TOP2B: variants seen among roughly 807,000 people sequenced by gnomAD.
TOP2B encodes DNA topoisomerase 2-beta.
A neutral mutation model predicts 193.5 loss-of-function variants in TOP2B; 51 were observed. The ratio of observed to expected loss-of-function variants is 0.26; its 90% CI spans 0.21 to 0.33. TOP2B has a LOEUF of 0.33. TOP2B is among the 10% of genes least tolerant of loss of function. The probability of loss-of-function intolerance (pLI) is 1.00; values close to 1 mark genes in which losing one functional copy is unlikely to be tolerated. For missense variants in TOP2B, 1,378 were observed against 1,909.3 expected (o/e 0.72, Z 5.19); for synonymous variants, 634 against 635.7 (o/e 1.00, Z 0.04).
At chr3:25,637,087 T>C in intron 6 of TOP2B, 128 bp downstream of exon 6, 1 of 682,238 alleles carries the variant, frequency 1.5e-6, no homozygotes, top group Non-Finnish European at 2.5e-6. Flanking sequence ...TGATTTGACT[T>C]GGATAATGCT....
intron 15 of TOP2B, among the ~76,000 whole-genome samples, 155 bp downstream of exon 15, chr3:25,628,692 C>T (rs1702874317): frequency 6.6e-6 from 1 of 151,832 alleles, no homozygotes; most frequent in Non-Finnish European, 1.5e-5. Flanking sequence ...TTACACTATT[C>T]TACTTGCATA....
chr3:25,645,463 A>G lies in TOP2B; in HGVS notation c.77T>C (p.Phe26Ser). ...TTTTTTTGCAGCATTGTTCTGATCA[A>G]AAAGAGTCTAAAATTAACCAAAAAA... ...GNGALTWVTL[F>S]DQNNAAKKEE... Residue 26 changes from phenylalanine to serine, a missense_variant, in exon 2 of 36, where the codon TTT (phenylalanine) becomes TCT (serine). By Grantham distance (155) the Phe-to-Ser change is radical. This residue lies in a region of TOP2B where 83 missense variants were observed against 59.3 expected (regional missense o/e 1.40). Transcript: ENST00000264331. The G allele has an allele frequency of 2.5e-6, 4 of 1,602,858 alleles. No individual in the cohort carries two copies. Among genetic ancestry groups the G allele is most frequent in the Non-Finnish European group, 3.4e-6 (4 of 1,175,130 alleles).
chr3:25,634,071 T>G (rs1575577466), intron 7 of TOP2B, 57 bp from the exon 8 acceptor site: 1 of 1,309,332 alleles, frequency 7.6e-7, no homozygotes, highest in Non-Finnish European at 1.1e-6. Flanking sequence ...CTCAAATAGG[T>G]GAATCACCTT....
At position 25,626,553 on chromosome 3, in the gene TOP2B, TACTC is replaced by T; in HGVS notation, c.2224+3_2224+6del. ...ATTAAAAAATGAGGTTTTTAAATATTACTCACCATCAACAAGAGATGGTATAGAT... is the reference window on the plus strand; with the variant it reads ...ATTAAAAAATGAGGTTTTTAAATATTACCATCAACAAGAGATGGTATAGAT... On this transcript the variant is annotated splice_donor_5th_base_variant and intron_variant, in intron 18 of 35. Coordinates refer to ENST00000264331, the MANE Select transcript of TOP2B (RefSeq NM_001330700.2). 7.0e-7 allele frequency: 1 copy of T among 1,427,566 alleles called. No homozygotes were observed. Among genetic ancestry groups the T allele is most frequent in the Non-Finnish European group, 9.4e-7 (1 of 1,063,292 alleles). The allele number at this position is 1,427,566 out of a possible 1,614,324, so 88.4% of individuals were successfully genotyped here. A position where few individuals can be genotyped will look rare whatever the true frequency, so the allele number is the denominator to read the frequency against.
chr3:25,598,054 A>AAATC lies in TOP2B; in HGVS notation c.*249_*252dup, dbSNP rs1456974972. Reference sequence around the variant, plus strand: ...CTGTAGTTTGTAACCATGACAATTAAAATCTGTGCTAATGCACGGCAGTCT... The same window carrying AAATC: ...CTGTAGTTTGTAACCATGACAATTAAAATCAATCTGTGCTAATGCACGGCAGTCT... On this transcript the variant is annotated 3_prime_UTR_variant, in exon 36 of 36. Transcript: ENST00000264331. The AAATC allele has an allele frequency of 7.2e-6, 2 of 276,184 alleles. No homozygotes were observed. Among genetic ancestry groups the AAATC allele is most frequent in the African/African-American group, 4.4e-5 (2 of 45,692 alleles). 17.1% of individuals were successfully genotyped at this position (276,184 alleles called of 1,614,324 possible). A position where few individuals can be genotyped will look rare whatever the true frequency, so the allele number is the denominator to read the frequency against.
At chr3:25,651,280 G>A (rs1703580034) in intron 1 of TOP2B, among the ~76,000 whole-genome samples, 1 of 151,942 alleles carries the variant, frequency 6.6e-6, no homozygotes, top group African/African-American at 2.4e-5. Context: ...AAGCAGGGGA[G>A]GGCAGAGGTG....
chr3:25,612,707 T>C lies in TOP2B; in HGVS notation c.3594A>G (p.Lys1198=). 1.9e-6 allele frequency: 3 copies of C among 1,612,780 alleles called. No individual in the cohort carries two copies. Among genetic ancestry groups the C allele is most frequent in the Non-Finnish European group, 2.5e-6 (3 of 1,179,214 alleles). ...DLAAFVEELD[K]VESQEREDVL... is the part of the protein sequence containing the mutation. ...CATCTTCTCGTTCTTGAGATTCCACTTTCTAAAGTATAATCATAAGGCAGA... is the reference window on the plus strand; with the variant it reads ...CATCTTCTCGTTCTTGAGATTCCACCTTCTAAAGTATAATCATAAGGCAGA... The change falls in exon 28 of 36, where the codon AAA becomes AAG. Residue 1198 remains lysine, a splice_region_variant and synonymous_variant. Transcript: ENST00000264331.
chr3:25,636,536 C>CAT, intron 6 of TOP2B, among the ~76,000 whole-genome samples: 1 of 152,102 alleles, frequency 6.6e-6, no homozygotes, highest in South Asian at 2.1e-4. Flanking sequence ...ATATAAGGGA[C>CAT]TTGATCCTCC....
At chr3:25,614,522 G>T (rs1702456894) in intron 27 of TOP2B, among the ~76,000 whole-genome samples, 1 of 151,868 alleles carries the variant, frequency 6.6e-6, no homozygotes, top group Non-Finnish European at 1.5e-5. Flanking sequence ...ATTCTTTTAG[G>T]CAGCTAATTT....
At position 25,618,774 on chromosome 3, in the gene TOP2B, G is replaced by A. The variant is rs1294641230; in HGVS notation, c.3139C>T (p.Arg1047Ter). 5 of 1,612,628 alleles carry A rather than the reference G, an allele frequency of 3.1e-6. No individual in the cohort carries two copies. The highest frequency in any genetic ancestry group is 1.1e-5 in the South Asian group (1 of 90,906). The change falls in exon 24 of 36, where the codon CGA becomes TGA. Residue 1047 changes from arginine to a stop codon, truncating the protein, a stop_gained. Coordinates refer to ENST00000264331, the MANE Select transcript of TOP2B (RefSeq NM_001330700.2). LOFTEE classifies it high-confidence loss of function. ...QDILKEFFDL[R>*]LSYYGLRKEW... ...TTACGTAAACCGTAATAACTTAATC[G>A]TAAATCAAAGAATTCTTTCAGAATG...
intron 27 of TOP2B, among the ~76,000 whole-genome samples, chr3:25,614,672 C>CA (rs1359887587): frequency 1.3e-5 from 2 of 151,534 alleles, no homozygotes; most frequent in Admixed American, 6.6e-5. Flanking sequence ...TTTTGCTACT[C>CA]AAAAATCAGG....
intron 21 of TOP2B, among the ~76,000 whole-genome samples, chr3:25,621,424 C>A (rs887625845): frequency 6.6e-6 from 1 of 152,220 alleles, no homozygotes; most frequent in South Asian, 2.1e-4. Flanking sequence ...TGCCGTGGCA[C>A]GATATCAGCT....
intron 8 of TOP2B, among the ~76,000 whole-genome samples, chr3:25,633,394 C>A (rs1703016118): frequency 6.6e-6 from 1 of 152,072 alleles, no homozygotes; most frequent in African/African-American, 2.4e-5. Context: ...ATGCCTTACC[C>A]AGACATGCCA....
intron 1 of TOP2B, among the ~76,000 whole-genome samples, chr3:25,656,462 A>C (rs1330239945): frequency 6.6e-6 from 1 of 152,110 alleles, no homozygotes; most frequent in Admixed American, 6.5e-5. Flanking sequence ...TAAATAGATA[A>C]AAAACAAACA....
intron 1 of TOP2B, among the ~76,000 whole-genome samples, chr3:25,653,296 T>C (rs1390137941): frequency 2.0e-5 from 3 of 152,080 alleles, no homozygotes; most frequent in Non-Finnish European, 4.4e-5. Context: ...ATTTCTCTGA[T>C]ACAAAAACTA....
chr3:25,664,348 C>T lies in TOP2B; in HGVS notation c.-51G>A, dbSNP rs977110480. The T allele has an allele frequency of 1.4e-6, 2 of 1,417,702 alleles. No individual in the cohort carries two copies. The highest frequency in any genetic ancestry group is 1.5e-5 in the African/African-American group (1 of 66,408). The allele number at this position is 1,417,702 out of a possible 1,614,324, so 87.8% of individuals were successfully genotyped here. ...CTGAGGCCGCAGCCGCCGCTCCCGC[C>T]TCCCTGCGGGCCGCTGGGCCCCGCC... On this transcript the variant is annotated 5_prime_UTR_variant, in exon 1 of 36. Coordinates refer to ENST00000264331, the MANE Select transcript of TOP2B (RefSeq NM_001330700.2).
At chr3:25,642,525 A>T (rs997407924) in intron 3 of TOP2B, 140 bp from the exon 4 acceptor site, 2 of 469,278 alleles carry the variant, frequency 4.3e-6, no homozygotes, top group South Asian at 1.2e-4. Flanking sequence ...TTAACTTCTC[A>T]TATAAAATCT....
intron 34 of TOP2B, among the ~76,000 whole-genome samples, chr3:25,600,140 T>A (rs960976110): frequency 6.6e-6 from 1 of 151,940 alleles, no homozygotes; most frequent in Non-Finnish European, 1.5e-5. Flanking sequence ...ACATGCAGCA[T>A]TTTTTTTCAC....
chr3:25,643,407 T>C (rs1025524538), intron 3 of TOP2B, among the ~76,000 whole-genome samples: 1 of 152,240 alleles, frequency 6.6e-6, no homozygotes, highest in African/African-American at 2.4e-5. Context: ...GTAACTGTGA[T>C]GCTAGCATAT....
Sources: allele counts gnomAD v4.1 joint callset (sites outside exome capture counted in the v4.1 genomes callset), GRCh38; gene constraint gnomAD v4.1.1; regional missense constraint gnomAD v4.1.1; transcripts MANE v1.5; gene names NCBI Gene and HGNC (gene_info 2026-07-23, HGNC 2026-07-21).